The following BIN1 variants were observed in gnomAD, a reference collection of about 807,000 sequenced individuals.
The protein encoded by BIN1 is myc box-dependent-interacting protein 1.
Under a neutral mutation model 82.0 loss-of-function variants are expected in BIN1, and 53 were observed. That is an observed-to-expected ratio of 0.65 (90% CI 0.52 to 0.81). BIN1 has a LOEUF of 0.81. Among genes scored for constraint, BIN1 ranks in the 40% least tolerant of loss-of-function variants. The pLI is 0.00. For missense variants in BIN1, 642 were observed against 784.4 expected (o/e 0.82, Z 2.17); for synonymous variants, 302 against 328.0 (o/e 0.92, Z 0.86).
At chr2:127,083,706 C>G (rs1677749575) in intron 1 of BIN1, among the ~76,000 whole-genome samples, 1 of 152,172 alleles carries the variant, frequency 6.6e-6, no homozygotes, top group Non-Finnish European at 1.5e-5. Context: ...GTCTCTTGTT[C>G]CTTTAGTCCA....
At position 127,093,772 on chromosome 2, in the gene BIN1, T is replaced by A. The variant is rs540462065; in HGVS notation, c.84+13088A>T. Among the ~76,000 whole-genome samples the A allele has an allele frequency of 6.6e-6, 1 of 152,316 alleles. No individual in the cohort carries two copies. Among genetic ancestry groups the A allele is most frequent in the Admixed American group, 6.5e-5 (1 of 15,296 alleles). ...GCGGTGTCAGCTGTGGCCCTTATGA[T>A]GGGTGAGAACGATACCACACGTTTC... On this transcript the variant is annotated intron_variant, in intron 1 of 18. Coordinates refer to ENST00000316724, the MANE Select transcript of BIN1 (RefSeq NM_139343.3). The surrounding 1 kb of genome is among the most constrained non-coding windows in gnomAD (Gnocchi z 5.7).
At chr2:127,085,357 A>T (rs774585808) in intron 1 of BIN1, among the ~76,000 whole-genome samples, 1 of 152,220 alleles carries the variant, frequency 6.6e-6, no homozygotes, top group Non-Finnish European at 1.5e-5. Flanking sequence ...GACTTTAAAG[A>T]TAAGTGCATT....
intron 1 of BIN1, among the ~76,000 whole-genome samples, chr2:127,085,674 C>A (rs1193258461): frequency 6.6e-6 from 1 of 152,164 alleles, no homozygotes; most frequent in Non-Finnish European, 1.5e-5. Flanking sequence ...GCCAGACGCA[C>A]CCCCAGCAGG....
intron 9 of BIN1, among the ~76,000 whole-genome samples, 153 bp from the exon 10 acceptor site, chr2:127,062,350 A>G (rs1300896759): frequency 6.6e-6 from 1 of 152,114 alleles, no homozygotes; most frequent in Non-Finnish European, 1.5e-5. Flanking sequence ...CTAGCACACC[A>G]AACCCCGAAA....
At chr2:127,087,598 G>C (rs1164095484) in intron 1 of BIN1, among the ~76,000 whole-genome samples, 1 of 152,234 alleles carries the variant, frequency 6.6e-6, no homozygotes, top group East Asian at 1.9e-4. Flanking sequence ...CTCTCACAGT[G>C]GCCGGCGGGG....
Position 127,052,323 on chromosome 2 carries a change from G to A in BIN1, c.1303C>T (p.Pro435Ser). The change falls in exon 15 of 19, where the codon CCC becomes TCC. Residue 435 changes from proline to serine, a missense_variant. By Grantham distance (74) the Pro-to-Ser change is moderately conservative. Coordinates refer to ENST00000316724, the MANE Select transcript of BIN1 (RefSeq NM_139343.3). ...SPAGSLPSGE[P>S]SAAEGTFAVS... is the part of the protein sequence containing the mutation. ...GCAAAGGTGCCCTCGGCAGCGCTGGGCTCCCCGGAAGGCAGGCTGCCGGCT... is the reference window on the plus strand; with the variant it reads ...GCAAAGGTGCCCTCGGCAGCGCTGGACTCCCCGGAAGGCAGGCTGCCGGCT... 1.3e-6 allele frequency: 2 copies of A among 1,587,474 alleles called. No individual in the cohort carries two copies. The highest frequency in any genetic ancestry group is 1.7e-6 in the Non-Finnish European group (2 of 1,167,446).
In BIN1 at chr2:127,070,868, C is replaced by T. The variant is rs143941695; in HGVS notation, c.166-52G>A. 6.4e-4 allele frequency: 1,007 copies of T among 1,563,652 alleles called. 4 individuals are homozygous for T. The African/African-American group carries it at 0.011, about 17-fold the overall frequency. ...TCAGGGACTGGTGGCACACCCAGTCCCTGACCCTCTCCTTCCTGCCACCCT... is the reference window on the plus strand; with the variant it reads ...TCAGGGACTGGTGGCACACCCAGTCTCTGACCCTCTCCTTCCTGCCACCCT... On this transcript the variant is annotated intron_variant, in intron 2 of 18. Transcript: ENST00000316724.
At chr2:127,087,660 T>C (rs1277085387) in intron 1 of BIN1, among the ~76,000 whole-genome samples, 1 of 152,128 alleles carries the variant, frequency 6.6e-6, no homozygotes, top group Non-Finnish European at 1.5e-5. Context: ...GAACCGCTCA[T>C]CCAAAGACCA....
chr2:127,102,523 T>C (rs889131076), intron 1 of BIN1, among the ~76,000 whole-genome samples: 1 of 152,218 alleles, frequency 6.6e-6, no homozygotes, highest in Non-Finnish European at 1.5e-5. Flanking sequence ...CCTTGGACCA[T>C]GCCTGCACCT....
intron 1 of BIN1, among the ~76,000 whole-genome samples, chr2:127,101,572 G>T (rs1680355802): frequency 6.6e-6 from 1 of 152,216 alleles, no homozygotes; most frequent in South Asian, 2.1e-4. Flanking sequence ...CAGGGGCTTG[G>T]TTCTGCTGAC....
At position 127,067,412 on chromosome 2, in the gene BIN1, G is replaced by A. The variant is rs1357512447; in HGVS notation, c.612+751C>T. On this transcript the variant is annotated intron_variant, in intron 7 of 18. Transcript: ENST00000316724. The surrounding 1 kb of genome is among the most constrained non-coding windows in gnomAD (Gnocchi z 4.7). Reference sequence around the variant, plus strand: ...TAACCCATTTGGAGGGCAGGGGGCTGAGAAGACCATAGCCTCTATGGCCAG... The same window carrying A: ...TAACCCATTTGGAGGGCAGGGGGCTAAGAAGACCATAGCCTCTATGGCCAG... Among the ~76,000 whole-genome samples the A allele has an allele frequency of 1.3e-5, 2 of 152,238 alleles. No homozygotes were observed. The highest frequency in any genetic ancestry group is 2.9e-5 in the Non-Finnish European group (2 of 68,044).
At chr2:127,071,554 T>G (rs867871747) in intron 2 of BIN1, among the ~76,000 whole-genome samples, 175 of 152,200 alleles carry the variant, frequency 1.1e-3, no homozygotes, top group African/African-American at 4.2e-3. Context: ...AGTAGAAGCA[T>G]GGGCCAGGCC....
intron 1 of BIN1, among the ~76,000 whole-genome samples, chr2:127,091,223 A>T (rs1422486194): frequency 6.6e-6 from 1 of 151,216 alleles, no homozygotes; most frequent in African/African-American, 2.4e-5. Context: ...AGGCACCAAC[A>T]GGCACCCCAC....
intron 1 of BIN1, among the ~76,000 whole-genome samples, chr2:127,091,613 G>A (rs1558874093): frequency 6.6e-6 from 1 of 152,202 alleles, no homozygotes; most frequent in African/African-American, 2.4e-5. Flanking sequence ...GGCTGACCGG[G>A]CGTGGTGGTT....
At chr2:127,069,112 C>T (rs2105059963) in intron 5 of BIN1, 81 bp from the exon 6 acceptor site, 24 of 1,381,360 alleles carry the variant, frequency 1.7e-5, no homozygotes, top group Non-Finnish European at 2.2e-5. Flanking sequence ...TGGAGGGACC[C>T]GCAGGGCGGG....
At chr2:127,053,190 G>C (rs1191245481) in intron 14 of BIN1, 1 of 626,490 alleles carries the variant, frequency 1.6e-6, no homozygotes, top group Non-Finnish European at 2.9e-6. Context: ...CCTGTCTCAA[G>C]CTAAACCGAA....
chr2:127,103,642 G>A (rs1056983881), intron 1 of BIN1, among the ~76,000 whole-genome samples: 2 of 152,174 alleles, frequency 1.3e-5, no homozygotes, highest in Non-Finnish European at 2.9e-5. Context: ...CTCCCAAGCC[G>A]TGGGCCTTCA....
At chr2:127,060,385 G>C (rs888363376) in intron 10 of BIN1, among the ~76,000 whole-genome samples, 2 of 152,222 alleles carry the variant, frequency 1.3e-5, no homozygotes, top group African/African-American at 4.8e-5. Flanking sequence ...CCAGAGGAAC[G>C]TGCTAAATGC....
rs187563039 is a variant in BIN1, at chr2:127,054,775, G to T, written c.1132-763C>A. On this transcript the variant is annotated intron_variant, in intron 12 of 18. Coordinates refer to ENST00000316724, the MANE Select transcript of BIN1 (RefSeq NM_139343.3). ...GAGCCCAGGAATAGGCATGTGACAG[G>T]CATGGCCCCAGGGATGGGACACGGT... 5.5e-3 allele frequency: 837 copies of T among 152,588 alleles called. 4 individuals are homozygous for T. The highest frequency in any genetic ancestry group is 8.8e-3 in the Non-Finnish European group (600 of 68,262). 9.5% of individuals were successfully genotyped at this position (152,588 alleles called of 1,614,324 possible). A position where few individuals can be genotyped will look rare whatever the true frequency, so the allele number is the denominator to read the frequency against.
Sources: gnomAD v4.1 joint callset for allele counts (sites outside exome capture counted in the v4.1 genomes callset) on GRCh38, gnomAD v4.1.1 for gene constraint, Gnocchi (gnomAD v3.1) non-coding constraint, MANE v1.5 for transcripts, NCBI Gene and HGNC (gene_info 2026-07-23, HGNC 2026-07-21) for gene names.